Variants in RBFOX1 observed in about 807,000 individuals in gnomAD.
The protein encoded by RBFOX1 is RNA binding fox-1 homolog 1.
RBFOX1 carries 8 observed loss-of-function variants against 57.7 expected under a neutral mutation model. The observed-to-expected ratio is 0.14, with a 90% confidence interval of 0.08 to 0.25. The LOEUF is 0.25. Among genes scored for constraint, RBFOX1 ranks in the 10% least tolerant of loss-of-function variants. The pLI is 1.00. For synonymous variants in RBFOX1, 326 were observed against 222.4 expected (o/e 1.47, Z -4.15); for missense variants, 611 against 548.5 (o/e 1.11, Z -1.14).
intron 3 of RBFOX1, among the ~76,000 whole-genome samples, chr16:6,800,313 G>A (rs558320605): frequency 7.9e-5 from 12 of 152,264 alleles, no homozygotes; most frequent in East Asian, 1.9e-4. Context: ...CCAACCAGAC[G>A]GGCTGGTAGT....
chr16:5,247,473 C>G (rs1431670382), intron 1 of RBFOX1, among the ~76,000 whole-genome samples: 2 of 152,190 alleles, frequency 1.3e-5, no homozygotes, highest in East Asian at 3.9e-4. Context: ...ATTCCTCCTT[C>G]AAGTATCTGA....
At chr16:5,364,299 G>T (rs968020835) in intron 1 of RBFOX1, among the ~76,000 whole-genome samples, 1 of 152,194 alleles carries the variant, frequency 6.6e-6, no homozygotes, top group African/African-American at 2.4e-5. Flanking sequence ...TGCACAGAAG[G>T]CGCATAGAGT....
At chr16:6,838,121 G>T (rs923617129) in intron 3 of RBFOX1, among the ~76,000 whole-genome samples, 2 of 151,710 alleles carry the variant, frequency 1.3e-5, no homozygotes, top group Non-Finnish European at 2.9e-5. Context: ...TCAACCTGTT[G>T]TCTAGGTTTA....
At chr16:6,708,406 G>A (rs1225800792) in intron 3 of RBFOX1, among the ~76,000 whole-genome samples, 1 of 152,146 alleles carries the variant, frequency 6.6e-6, no homozygotes, top group East Asian at 1.9e-4. Flanking sequence ...CAGGAGTTAA[G>A]TTCTAAAATT....
intron 3 of RBFOX1, among the ~76,000 whole-genome samples, chr16:5,786,234 C>T (rs551677628): frequency 7.5e-4 from 114 of 152,300 alleles, no homozygotes; most frequent in African/African-American, 2.7e-3. Context: ...TTGGACTTCT[C>T]TACTCCTTCC....
chr16:7,559,684 G>A (rs1397512432), intron 5 of RBFOX1, among the ~76,000 whole-genome samples: 1 of 152,214 alleles, frequency 6.6e-6, no homozygotes, highest in East Asian at 1.9e-4. Context: ...CATGACTTGT[G>A]TCTACTGTGT....
chr16:6,328,523 A>T (rs941207537), intron 2 of RBFOX1, among the ~76,000 whole-genome samples: 4 of 152,188 alleles, frequency 2.6e-5, no homozygotes, highest in African/African-American at 9.7e-5. Flanking sequence ...GGTCACATCT[A>T]GCAGTTCATT....
intron 4 of RBFOX1, among the ~76,000 whole-genome samples, chr16:7,439,691 T>G (rs1025728596): frequency 2.6e-5 from 4 of 152,220 alleles, no homozygotes; most frequent in Non-Finnish European, 5.9e-5. Flanking sequence ...TTCATGCAAG[T>G]GCTGTCTCAT....
intron 3 of RBFOX1, among the ~76,000 whole-genome samples, chr16:5,738,517 C>G (rs529296777): frequency 6.6e-6 from 1 of 150,918 alleles, no homozygotes; most frequent in Non-Finnish European, 1.5e-5. Flanking sequence ...GTCTGTAATC[C>G]CAGCTACTCA....
intron 1 of RBFOX1, among the ~76,000 whole-genome samples, chr16:6,203,533 G>A (rs372467413): frequency 1.4e-4 from 21 of 152,004 alleles, no homozygotes; most frequent in African/African-American, 4.8e-4. Flanking sequence ...TGTGAATAGC[G>A]GTGCAATGAA....
intron 1 of RBFOX1, among the ~76,000 whole-genome samples, chr16:6,205,364 A>G (rs1035399019): frequency 6.6e-6 from 1 of 152,224 alleles, no homozygotes; most frequent in African/African-American, 2.4e-5. Context: ...ATCAAAGCTG[A>G]TAAGTCACCT....
At chr16:7,177,135 G>A (rs756381058) in intron 4 of RBFOX1, among the ~76,000 whole-genome samples, 13 of 152,184 alleles carry the variant, frequency 8.5e-5, no homozygotes, top group African/African-American at 1.4e-4. Flanking sequence ...CAAAGAACAC[G>A]ACACTTTGCT....
intron 3 of RBFOX1, among the ~76,000 whole-genome samples, chr16:6,867,435 G>A (rs886444319): frequency 6.6e-6 from 1 of 151,730 alleles, no homozygotes; most frequent in African/African-American, 2.4e-5. Context: ...GGGAAGAAAG[G>A]GGGCCGGGTG....
At chr16:7,391,228 G>T (rs1169702142) in intron 4 of RBFOX1, among the ~76,000 whole-genome samples, 5 of 152,122 alleles carry the variant, frequency 3.3e-5, no homozygotes, top group African/African-American at 1.2e-4. Flanking sequence ...CCCATGGGGT[G>T]GATTTTCTAG....
At position 6,840,342 on chromosome 16, in the gene RBFOX1, C is replaced by T. The variant is rs545697581; in HGVS notation, c.-16+185692C>T. On this transcript the variant is annotated intron_variant, in intron 3 of 15. Transcript: ENST00000550418. ...TGCAGGGCCGCCTCTAACATTCATTCGTTCATTCATTGGTCCCTGTATTTC... is the reference window on the plus strand; with the variant it reads ...TGCAGGGCCGCCTCTAACATTCATTTGTTCATTCATTGGTCCCTGTATTTC... 5.9e-5 allele frequency among the ~76,000 whole-genome samples: 9 copies of T among 152,252 alleles called. No individual in the cohort carries two copies. The East Asian group carries it at 9.6e-4, about 16-fold the overall frequency.
chr16:5,943,454 AG>A (rs1277500766), intron 4 of RBFOX1, among the ~76,000 whole-genome samples: 2 of 152,200 alleles, frequency 1.3e-5, no homozygotes, highest in Non-Finnish European at 1.5e-5. Flanking sequence ...GTCAAAAGAA[AG>A]AAAAATATGA....
At chr16:6,797,874 C>T (rs1436707929) in intron 3 of RBFOX1, among the ~76,000 whole-genome samples, 1 of 152,138 alleles carries the variant, frequency 6.6e-6, no homozygotes, top group African/African-American at 2.4e-5. Context: ...TTTCTACTAA[C>T]TGGTAGCTAG....
chr16:7,699,461 C>A (rs189814583), intron 14 of RBFOX1, among the ~76,000 whole-genome samples: 2 of 152,084 alleles, frequency 1.3e-5, no homozygotes, highest in African/African-American at 2.4e-5. Flanking sequence ...CAAAGTCCTG[C>A]GAGTACAGGC....
chr16:6,109,530 A>G (rs1316653047), intron 1 of RBFOX1, among the ~76,000 whole-genome samples: 1 of 152,162 alleles, frequency 6.6e-6, no homozygotes, highest in Non-Finnish European at 1.5e-5. Flanking sequence ...CTCTTTTTCC[A>G]TTGTAGTCCA....
Sources: allele counts gnomAD v4.1 joint callset (sites outside exome capture counted in the v4.1 genomes callset), GRCh38; gene constraint gnomAD v4.1.1; transcripts MANE v1.5; gene names NCBI Gene and HGNC (gene_info 2026-07-23, HGNC 2026-07-21).